Variants in ACOXL observed in about 807,000 individuals in gnomAD.
ACOXL encodes the protein acyl-coenzyme A oxidase-like protein.
A neutral mutation model predicts 71.9 loss-of-function variants in ACOXL; 70 were observed. The observed-to-expected ratio is 0.97, with a 90% CI of 0.80 to 1.19. The LOEUF is 1.19. ACOXL is among the 50% of genes most tolerant of loss of function. ACOXL has a pLI of 0.00. For synonymous variants in ACOXL, 253 were observed against 281.6 expected (o/e 0.90, Z 1.02); for missense variants, 703 against 736.3 (o/e 0.95, Z 0.52).
At chr2:110,843,373 T>C (rs1018210843) in intron 10 of ACOXL, among the ~76,000 whole-genome samples, 1 of 152,156 alleles carries the variant, frequency 6.6e-6, no homozygotes, top group African/African-American at 2.4e-5. Flanking sequence ...TCCTCCAAAC[T>C]GTGAAAGTGG....
chr2:110,994,172 G>A (rs1448368367), intron 13 of ACOXL, among the ~76,000 whole-genome samples: 2 of 152,166 alleles, frequency 1.3e-5, no homozygotes, highest in Admixed American at 6.5e-5. Flanking sequence ...TCAGCCCCTG[G>A]AATGACTAAA....
At chr2:110,769,915 C>A (rs941858165) in intron 2 of ACOXL, among the ~76,000 whole-genome samples, 42 of 151,838 alleles carry the variant, frequency 2.8e-4, no homozygotes, top group Admixed American at 2.5e-3. Context: ...GTGGCCCACA[C>A]CTGTAGTACC....
intron 10 of ACOXL, among the ~76,000 whole-genome samples, chr2:110,893,978 CTCTT>C (rs1041140251): frequency 3.3e-5 from 5 of 152,114 alleles, no homozygotes; most frequent in South Asian, 2.1e-4. Context: ...CTCTTTCTCT[CTCTT>C]TGTCTCTGTT....
chr2:111,056,527 G>A lies in ACOXL; in HGVS notation c.1440+7239G>A, dbSNP rs569196941. Among the ~76,000 whole-genome samples, 10 of 152,082 alleles carry A rather than the reference G, an allele frequency of 6.6e-5. No homozygotes were observed. In the South Asian group the frequency reaches 1.7e-3, roughly 25 times the overall value. On this transcript the variant is annotated intron_variant, in intron 16 of 17. Coordinates refer to ENST00000439055, the MANE Select transcript of ACOXL (RefSeq NM_001142807.4). ...ATTTAGGCCAGGCATGGTGGCTCAC[G>A]CCTGTAATCCCAGCACTTTGGGAGG...
chr2:111,061,022 C>T (rs1425002726), intron 16 of ACOXL, among the ~76,000 whole-genome samples: 4 of 152,076 alleles, frequency 2.6e-5, no homozygotes, highest in Admixed American at 2.6e-4. Flanking sequence ...CCTCAGGGAC[C>T]TGTGGGACTA....
At chr2:111,038,282 G>T (rs1574563237) in intron 15 of ACOXL, among the ~76,000 whole-genome samples, 1 of 152,356 alleles carries the variant, frequency 6.6e-6, no homozygotes, top group Non-Finnish European at 1.5e-5. Context: ...GCTACCATCT[G>T]CCCATGTTGC....
chr2:110,915,664 G>A (rs2149268106), intron 11 of ACOXL, among the ~76,000 whole-genome samples: 1 of 151,628 alleles, frequency 6.6e-6, no homozygotes, highest in East Asian at 1.9e-4. Flanking sequence ...CTGACCTCAG[G>A]TGATCCACCC....
At chr2:110,873,525 C>T (rs1695521123) in intron 10 of ACOXL, among the ~76,000 whole-genome samples, 2 of 152,192 alleles carry the variant, frequency 1.3e-5, no homozygotes, top group Admixed American at 6.5e-5. Context: ...GGCAGAGGTA[C>T]TGGAATTATT....
chr2:110,764,810 C>G (rs1680843526), intron 1 of ACOXL, among the ~76,000 whole-genome samples: 1 of 152,122 alleles, frequency 6.6e-6, no homozygotes, highest in Non-Finnish European at 1.5e-5. Context: ...TAAAACTGCT[C>G]TAAAAAAGTC....
At chr2:111,015,732 T>C (rs1320626235) in intron 14 of ACOXL, among the ~76,000 whole-genome samples, 1 of 152,188 alleles carries the variant, frequency 6.6e-6, no homozygotes, top group African/African-American at 2.4e-5. Context: ...ATGTTCAACA[T>C]GACACTAGAT....
chr2:110,948,473 A>G (rs550700795), intron 12 of ACOXL, among the ~76,000 whole-genome samples: 1 of 152,264 alleles, frequency 6.6e-6, no homozygotes, highest in African/African-American at 2.4e-5. Context: ...AACAGAGCCA[A>G]GGCCTGAAAT....
chr2:110,832,544 CAAAAAAAA>C (rs769471148), intron 9 of ACOXL, among the ~76,000 whole-genome samples: 1 of 44,314 alleles, frequency 2.3e-5, no homozygotes, highest in Non-Finnish European at 4.7e-5. Context: ...GACTCCATCT[CAAAAAAAA>C]AAAAAAAAAA....
chr2:110,759,168 A>AGTTCT (rs1483287874), intron 1 of ACOXL, among the ~76,000 whole-genome samples: 1 of 152,082 alleles, frequency 6.6e-6, no homozygotes, highest in Non-Finnish European at 1.5e-5. Context: ...TTGGGTGGAG[A>AGTTCT]GTTCTGTAGA....
At chr2:110,817,128 C>G (rs1034438193) in intron 9 of ACOXL, among the ~76,000 whole-genome samples, 2 of 152,232 alleles carry the variant, frequency 1.3e-5, no homozygotes, top group Non-Finnish European at 2.9e-5. Context: ...TGCACCCAGC[C>G]CATCACAAGC....
chr2:110,878,632 G>A (rs1428583847), intron 10 of ACOXL, among the ~76,000 whole-genome samples: 2 of 152,102 alleles, frequency 1.3e-5, no homozygotes, highest in Non-Finnish European at 2.9e-5. Flanking sequence ...GGGCACGGTG[G>A]TGCAAGCCTG....
intron 9 of ACOXL, among the ~76,000 whole-genome samples, chr2:110,824,863 G>T (rs778166880): frequency 1.1e-4 from 16 of 152,072 alleles, no homozygotes; most frequent in South Asian, 2.1e-4. Flanking sequence ...ACATTTTCCC[G>T]ATTCTTTGTA....
chr2:110,906,537 C>CAAA (rs368985557), intron 10 of ACOXL, among the ~76,000 whole-genome samples: 1 of 72,154 alleles, frequency 1.4e-5, no homozygotes, highest in African/African-American at 5.9e-5. Context: ...GACTCTGTCT[C>CAAA]AAAAAAAAAA....
intron 10 of ACOXL, among the ~76,000 whole-genome samples, chr2:110,872,166 G>A (rs1035900031): frequency 6.6e-6 from 1 of 152,136 alleles, no homozygotes; most frequent in Non-Finnish European, 1.5e-5. Flanking sequence ...TGGACTTCCT[G>A]GCACTGTAGT....
At chr2:110,858,455 A>T (rs1259344229) in intron 10 of ACOXL, among the ~76,000 whole-genome samples, 3 of 152,090 alleles carry the variant, frequency 2.0e-5, no homozygotes, top group Admixed American at 6.5e-5. Context: ...TGGTTGGGTG[A>T]CACTTGTTTC....
Sources: allele counts gnomAD v4.1 joint callset (sites outside exome capture counted in the v4.1 genomes callset), GRCh38; gene constraint gnomAD v4.1.1; transcripts MANE v1.5; gene names NCBI Gene and HGNC (gene_info 2026-07-23, HGNC 2026-07-21).